Variants in LHFPL3 observed in about 807,000 individuals in gnomAD.
LHFPL3 encodes the protein LHFPL tetraspan subfamily member 3, also known as LHFPL tetraspan subfamily member 3 protein.
LHFPL3 carries 5 observed loss-of-function variants against 19.3 expected under a neutral mutation model. That is an observed-to-expected ratio of 0.26 (90% confidence interval 0.14 to 0.54). LHFPL3 has a LOEUF of 0.54. Ranked by LOEUF, LHFPL3 falls within the 20% of genes least tolerant of loss-of-function variation. LHFPL3 has a pLI of 0.94. For synonymous variants in LHFPL3, 133 were observed against 126.2 expected, an observed-to-expected ratio of 1.05 and a Z score of -0.36; for missense variants, 249 against 307.4, an observed-to-expected ratio of 0.81 and a Z score of 1.42.
intron 2 of LHFPL3, among the ~76,000 whole-genome samples, chr7:104,759,525 A>C (rs1244840245): frequency 3.3e-5 from 5 of 152,182 alleles, no homozygotes. Flanking sequence ...CTTGCAGTTT[A>C]TCTCATTCAC....
At chr7:104,537,796 G>A (rs1455008584) in intron 1 of LHFPL3, among the ~76,000 whole-genome samples, 1 of 152,196 alleles carries the variant, frequency 6.6e-6, no homozygotes, top group Non-Finnish European at 1.5e-5. Context: ...TCTTTCTGTT[G>A]TGGTCTCTAA....
chr7:104,881,169 C>T (rs1294106524), intron 2 of LHFPL3, among the ~76,000 whole-genome samples: 1 of 91,524 alleles, frequency 1.1e-5, no homozygotes, highest in Non-Finnish European at 2.2e-5. Flanking sequence ...GATTCCATCT[C>T]AAAAAAAAAA....
At chr7:104,658,675 A>G (rs1365568674) in intron 1 of LHFPL3, among the ~76,000 whole-genome samples, 2 of 152,246 alleles carry the variant, frequency 1.3e-5, no homozygotes, top group East Asian at 3.9e-4. Context: ...CTATAATCCC[A>G]GTTACCCTGG....
At chr7:104,386,172 A>G (rs74759531) in intron 1 of LHFPL3, among the ~76,000 whole-genome samples, 1 of 152,332 alleles carries the variant, frequency 6.6e-6, no homozygotes, top group East Asian at 1.9e-4. Flanking sequence ...CAGCAGCCTA[A>G]CAGCCACTGG....
chr7:104,631,109 T>C (rs1242949274), intron 1 of LHFPL3, among the ~76,000 whole-genome samples: 1 of 152,018 alleles, frequency 6.6e-6, no homozygotes, highest in Admixed American at 6.6e-5. Context: ...CTGCAACACG[T>C]TTTACTGACA....
chr7:104,736,606 C>T, intron 1 of LHFPL3, 69 bp from the exon 2 acceptor site: 6 of 1,007,314 alleles, frequency 6.0e-6, no homozygotes, highest in South Asian at 1.5e-5. Context: ...ACAGTGGAAA[C>T]ATTTGCTAAG....
chr7:104,512,702 C>T (rs1174867451), intron 1 of LHFPL3, among the ~76,000 whole-genome samples: 2 of 151,906 alleles, frequency 1.3e-5, no homozygotes, highest in East Asian at 3.9e-4. Flanking sequence ...TGCCACTGCA[C>T]TCCAGCCTGA....
At chr7:104,578,344 T>C (rs1436456039) in intron 1 of LHFPL3, among the ~76,000 whole-genome samples, 1 of 152,340 alleles carries the variant, frequency 6.6e-6, no homozygotes, top group East Asian at 1.9e-4. Context: ...ATTTGAACAC[T>C]GGGATTTCCC....
At chr7:104,348,115 A>C (rs1243744632) in intron 1 of LHFPL3, among the ~76,000 whole-genome samples, 1 of 152,196 alleles carries the variant, frequency 6.6e-6, no homozygotes, top group Non-Finnish European at 1.5e-5. Flanking sequence ...GGCTGGGCGC[A>C]GTGGCTCACG....
intron 1 of LHFPL3, among the ~76,000 whole-genome samples, chr7:104,447,834 A>G (rs1241616618): frequency 1.3e-5 from 2 of 152,108 alleles, no homozygotes; most frequent in African/African-American, 4.8e-5. Context: ...ATATCTATGG[A>G]TCAGTCCATT....
intron 2 of LHFPL3, chr7:104,797,026 C>T (rs1369013167): frequency 6.6e-6 from 1 of 152,622 alleles, no homozygotes; most frequent in Non-Finnish European, 1.5e-5. Context: ...AATTGTATCT[C>T]GTCTTCTTTC....
intron 1 of LHFPL3, among the ~76,000 whole-genome samples, chr7:104,447,641 ATTTGTT>A (rs1792354676): frequency 2.0e-5 from 3 of 151,906 alleles, no homozygotes; most frequent in African/African-American, 7.3e-5. Context: ...AACGACTGCC[ATTTGTT>A]CTGGGAACCC....
At chr7:104,368,652 C>CATGTGT (rs1790544371) in intron 1 of LHFPL3, among the ~76,000 whole-genome samples, 1 of 150,098 alleles carries the variant, frequency 6.7e-6, no homozygotes, top group Admixed American at 6.6e-5. Flanking sequence ...CACACATGTA[C>CATGTGT]GTGTGTGTGT....
At chr7:104,654,706 A>G (rs1172128424) in intron 1 of LHFPL3, among the ~76,000 whole-genome samples, 2 of 152,208 alleles carry the variant, frequency 1.3e-5, no homozygotes, top group Non-Finnish European at 2.9e-5. Flanking sequence ...TCGTTTTAGA[A>G]CTAGGTGCCC....
chr7:104,589,099 T>G, intron 1 of LHFPL3, among the ~76,000 whole-genome samples: 1 of 152,176 alleles, frequency 6.6e-6, no homozygotes, highest in Non-Finnish European at 1.5e-5. Context: ...TGAATACCCT[T>G]TATTTCTTTC....
intron 2 of LHFPL3, among the ~76,000 whole-genome samples, chr7:104,868,683 T>C (rs978577427): frequency 6.6e-6 from 1 of 152,138 alleles, no homozygotes; most frequent in African/African-American, 2.4e-5. Flanking sequence ...GCCATCCCCA[T>C]CAAGCTACCA....
intron 1 of LHFPL3, among the ~76,000 whole-genome samples, chr7:104,409,171 C>T (rs926453356): frequency 6.6e-5 from 10 of 151,940 alleles, no homozygotes; most frequent in Non-Finnish European, 1.2e-4. Flanking sequence ...CCACGGCGCC[C>T]GGCCTAGTGT....
intron 1 of LHFPL3, among the ~76,000 whole-genome samples, chr7:104,705,140 A>G (rs978957031): frequency 2.6e-5 from 4 of 152,182 alleles, no homozygotes; most frequent in Non-Finnish European, 5.9e-5. Flanking sequence ...AATTTTACCA[A>G]GCTATGGCAG....
Position 104,511,072 on chromosome 7 carries a change from A to G in LHFPL3, c.445+181848A>G, listed in dbSNP as rs151147347. 2.1e-3 allele frequency among the ~76,000 whole-genome samples: 317 copies of G among 152,308 alleles called. 1 individual carries two copies. Among genetic ancestry groups the G allele is most frequent in the African/African-American group, 7.1e-3 (295 of 41,568 alleles). ...TAAAATAAAAGTTAAAAAAGAAAGA[A>G]AGAAAAAGGACTAGTATCTAGAATA... is the stretch of plus-strand genomic sequence containing the variant. On this transcript the variant is annotated intron_variant, in intron 1 of 2. Transcript: ENST00000424859.
Sources: allele counts gnomAD v4.1 joint callset (sites outside exome capture counted in the v4.1 genomes callset), GRCh38; gene constraint gnomAD v4.1.1; transcripts MANE v1.5; gene names NCBI Gene and HGNC (gene_info 2026-07-23, HGNC 2026-07-21).